TEK: variants seen among roughly 807,000 people sequenced by gnomAD.
The protein encoded by TEK is angiopoietin-1 receptor.
In TEK, 43 loss-of-function variants were observed where a neutral mutation model predicts 131.8. The ratio of observed to expected loss-of-function variants is 0.33; its 90% CI spans 0.26 to 0.42. The LOEUF (loss-of-function observed/expected upper bound fraction) is 0.42. Among genes scored for constraint, TEK ranks in the 10% least tolerant of loss-of-function variants. The pLI is 1.00. For missense variants in TEK, 1,162 were observed against 1,384.4 expected (o/e 0.84, Z 2.55); for synonymous variants, 580 against 491.6 (o/e 1.18, Z -2.38).
At chr9:27,215,971 A>G (rs1244017567) in intron 18 of TEK, among the ~76,000 whole-genome samples, 1 of 152,208 alleles carries the variant, frequency 6.6e-6, no homozygotes, top group Non-Finnish European at 1.5e-5. Context: ...GCTGGAGGAC[A>G]CAGTACATAC....
intron 1 of TEK, among the ~76,000 whole-genome samples, chr9:27,143,865 G>T (rs995148840): frequency 1.2e-4 from 19 of 152,196 alleles, no homozygotes; most frequent in Non-Finnish European, 2.5e-4. Context: ...CATCTGGCAG[G>T]TTTCCCAGGG....
At chr9:27,211,215 A>G (rs142011651) in intron 16 of TEK, among the ~76,000 whole-genome samples, 4,597 of 129,166 alleles carry the variant, frequency 0.036, 214 homozygotes, top group African/African-American at 0.12. Flanking sequence ...ATATATGTGT[A>G]TATATATGAA....
intron 1 of TEK, among the ~76,000 whole-genome samples, chr9:27,134,869 C>A (rs983952797): frequency 2.0e-5 from 3 of 152,152 alleles, no homozygotes; most frequent in African/African-American, 7.2e-5. Context: ...TTCAGAAATA[C>A]GTATGCTGCT....
rs1287344841 is a variant in TEK at position 27,230,038 on chromosome 9, G to A, written c.*806G>A. ...GGGAGACATGTGACATTTATATATT[G>A]AATTAATATCCCTACATGTATTGCA... On this transcript the variant is annotated 3_prime_UTR_variant, in exon 23 of 23. Transcript: ENST00000380036. 6.6e-6 allele frequency: 1 copy of A among 152,192 alleles called. No individual in the cohort carries two copies. Among genetic ancestry groups the A allele is most frequent in the Admixed American group, 6.5e-5 (1 of 15,272 alleles). The allele number at this position is 152,192 out of a possible 1,614,324, so 9.4% of individuals were successfully genotyped here.
chr9:27,123,527 G>A (rs1234145765), intron 1 of TEK, among the ~76,000 whole-genome samples: 12 of 152,336 alleles, frequency 7.9e-5, no homozygotes, highest in Admixed American at 7.8e-4. Flanking sequence ...TGGAGTAACA[G>A]AATACTGGAA....
In TEK at chr9:27,228,369, T is replaced by TA. The variant is rs550390252; in HGVS notation, c.3300+70dup. On this transcript the variant is annotated intron_variant, in intron 22 of 22. Transcript: ENST00000380036. The stretch of plus-strand genomic sequence containing the variant: ...TACCTGATGTGCCCAGGGTGGTTCA[T>TA]AAAAAACATTGAAATAATTGAAGAA... 1.1e-4 allele frequency: 140 copies of TA among 1,269,930 alleles called. 1 individual carries two copies. In the African/African-American group the frequency reaches 1.8e-3, roughly 16 times the overall value. The allele number at this position is 1,269,930 out of a possible 1,614,324, so 78.7% of individuals were successfully genotyped here.
chr9:27,213,325 A>G (rs1825701840), intron 17 of TEK, among the ~76,000 whole-genome samples, 159 bp from the exon 18 acceptor site: 1 of 152,182 alleles, frequency 6.6e-6, no homozygotes, highest in African/African-American at 2.4e-5. Context: ...ATTTGGCAGA[A>G]TCCATTACCA....
chr9:27,177,963 T>A (rs1439669729), intron 6 of TEK, among the ~76,000 whole-genome samples: 2 of 152,188 alleles, frequency 1.3e-5, no homozygotes, highest in African/African-American at 4.8e-5. Context: ...AGCTTGTTAG[T>A]TTGATGCAAT....
chr9:27,207,854 A>G (rs954347199), intron 15 of TEK, among the ~76,000 whole-genome samples: 3 of 152,212 alleles, frequency 2.0e-5, no homozygotes, highest in African/African-American at 4.8e-5. Context: ...ACAAAATATT[A>G]TCTATGATTA....
chr9:27,138,763 G>T (rs1194044857), intron 1 of TEK, among the ~76,000 whole-genome samples: 1 of 152,128 alleles, frequency 6.6e-6, no homozygotes, highest in African/African-American at 2.4e-5. Context: ...TAAACAGATG[G>T]GTCCAACTTT....
chr9:27,161,967 A>G (rs886649817), intron 2 of TEK, among the ~76,000 whole-genome samples: 3 of 152,248 alleles, frequency 2.0e-5, no homozygotes, highest in Admixed American at 6.5e-5. Context: ...ACTCAATTGT[A>G]GAAATTTTTA....
intron 6 of TEK, among the ~76,000 whole-genome samples, chr9:27,176,128 A>C (rs1587553720): frequency 6.6e-6 from 1 of 152,206 alleles, no homozygotes; most frequent in African/African-American, 2.4e-5. Flanking sequence ...GAAAGCAAGG[A>C]GACATTTCTA....
rs147898216 is a variant in TEK, at chr9:27,200,940, A to G, written c.1910-1880A>G. Among the ~76,000 whole-genome samples, 302 of 152,218 alleles carry G rather than the reference A, an allele frequency of 2.0e-3. 4 individuals are homozygous for G. The highest frequency in any genetic ancestry group is 0.01 in the Middle Eastern group (3 of 294). On this transcript the variant is annotated intron_variant, in intron 12 of 22. Coordinates refer to ENST00000380036, the MANE Select transcript of TEK (RefSeq NM_000459.5). ...GAACTAGTACGGCATGGGGATTAGG[A>G]TTCTAATCCACATTTTAGTTCTATT...
intron 11 of TEK, 96 bp downstream of exon 11, chr9:27,192,719 GT>G: frequency 2.4e-6 from 2 of 827,814 alleles, no homozygotes; most frequent in Admixed American, 2.3e-5. Context: ...TGGTGGGTGA[GT>G]GGGTGGGTGG....
intron 13 of TEK, 31 bp from the exon 14 acceptor site, chr9:27,204,880 C>T (rs757618204): frequency 3.1e-6 from 5 of 1,612,864 alleles, no homozygotes; most frequent in African/African-American, 1.3e-5. Flanking sequence ...GTAAACTAAA[C>T]TACCTGCTTC....
At chr9:27,214,719 T>TAATC (rs755185781) in intron 18 of TEK, among the ~76,000 whole-genome samples, 29 of 152,302 alleles carry the variant, frequency 1.9e-4, no homozygotes, top group Non-Finnish European at 4.1e-4. Flanking sequence ...ACAGTGAACG[T>TAATC]AATCATTTTG....
Position 27,220,096 on chromosome 9 carries a change from C to A in TEK, c.3151C>A (p.Leu1051Met). 2.5e-6 allele frequency: 4 copies of A among 1,614,070 alleles called. No individual in the cohort carries two copies. Among genetic ancestry groups the A allele is most frequent in the Non-Finnish European group, 3.4e-6 (4 of 1,179,984 alleles). ...GMTCAELYEKLPQGYRLEKPL... is the reference protein window; with the variant it reads ...GMTCAELYEKMPQGYRLEKPL... The stretch of plus-strand genomic sequence containing the variant: ...GACTTGTGCAGAACTCTACGAGAAG[C>A]TGCCCCAGGGCTACAGACTGGAGAA... The change falls in exon 21 of 23, where the codon CTG (leucine) becomes ATG (methionine). Residue 1051 changes from leucine to methionine, a missense_variant. This residue lies in a region of TEK where 107 missense variants were observed against 173.9 expected (regional missense o/e 0.62). Coordinates refer to ENST00000380036, the MANE Select transcript of TEK (RefSeq NM_000459.5).
chr9:27,161,237 G>A lies in TEK; in HGVS notation c.364+3095G>A, dbSNP rs919250285. ...GACCTGGATAGTGAGAAACACTAAC[G>A]AGAAGATGGCTTTTAGAATTATGCT... On this transcript the variant is annotated intron_variant, in intron 2 of 22. Coordinates refer to ENST00000380036, the MANE Select transcript of TEK (RefSeq NM_000459.5). 4.6e-5 allele frequency among the ~76,000 whole-genome samples: 7 copies of A among 152,230 alleles called. No individual in the cohort carries two copies. In the South Asian group the frequency reaches 6.2e-4, roughly 13 times the overall value.
chr9:27,147,149 A>C (rs1050447952), intron 1 of TEK, among the ~76,000 whole-genome samples: 1 of 152,224 alleles, frequency 6.6e-6, no homozygotes, highest in East Asian at 1.9e-4. Context: ...CAATTTCCAC[A>C]GTGGCTATAC....
Sources: gnomAD v4.1 joint callset for allele counts (sites outside exome capture counted in the v4.1 genomes callset) on GRCh38, gnomAD v4.1.1 for gene constraint, gnomAD v4.1.1 regional missense constraint, MANE v1.5 for transcripts, NCBI Gene and HGNC (gene_info 2026-07-23, HGNC 2026-07-21) for gene names.